The following OSBPL3 variants were observed in gnomAD, a reference collection of about 807,000 sequenced individuals.
OSBPL3 encodes oxysterol binding protein like 3.
Under a neutral mutation model 120.1 loss-of-function variants are expected in OSBPL3, and 65 were observed. The ratio of observed to expected loss-of-function variants is 0.54; its 90% confidence interval spans 0.44 to 0.67. OSBPL3 has a LOEUF of 0.67. Ranked by LOEUF, OSBPL3 falls within the 30% of genes least tolerant of loss-of-function variation. The pLI, the probability that OSBPL3 is intolerant of heterozygous loss-of-function variation, is 0.00. For missense variants in OSBPL3, 1,004 were observed against 1,082.1 expected (o/e 0.93, Z 1.01); for synonymous variants, 416 against 402.6 (o/e 1.03, Z -0.40).
rs369697603 is a variant in OSBPL3 at position 24,864,962 on chromosome 7, C to T, written c.673+380G>A. Among the ~76,000 whole-genome samples, 34 of 152,298 alleles carry T rather than the reference C, an allele frequency of 2.2e-4. 3 individuals are homozygous for T. Among genetic ancestry groups the T allele is most frequent in the Admixed American group, 1.2e-3 (19 of 15,302 alleles). On this transcript the variant is annotated intron_variant, in intron 7 of 22. Transcript: ENST00000313367. ...GTGATTCTAATGTGCAGTCAGGGTA[C>T]AGAACACCTACATCGTGAAGATCTC...
chr7:24,887,835 A>G (rs903593398), intron 2 of OSBPL3, among the ~76,000 whole-genome samples: 3 of 152,172 alleles, frequency 2.0e-5, no homozygotes, highest in African/African-American at 7.2e-5. Context: ...TACTACCAAG[A>G]GATAGATGCT....
chr7:24,914,663 G>T (rs1050467952), intron 1 of OSBPL3, among the ~76,000 whole-genome samples: 1 of 152,042 alleles, frequency 6.6e-6, no homozygotes, highest in Non-Finnish European at 1.5e-5. Flanking sequence ...AAAGTAAGAT[G>T]GCCAAAACTT....
chr7:24,904,918 G>GGTGTGT (rs67222925), intron 1 of OSBPL3, among the ~76,000 whole-genome samples: 9,570 of 132,836 alleles, frequency 0.072, 421 homozygotes, highest in African/African-American at 0.1. Flanking sequence ...ATAATATACA[G>GGTGTGT]GTGTGTGTGT....
At chr7:24,910,648 A>C (rs1254761015) in intron 1 of OSBPL3, among the ~76,000 whole-genome samples, 6 of 152,252 alleles carry the variant, frequency 3.9e-5, no homozygotes, top group Non-Finnish European at 8.8e-5. Flanking sequence ...TCAAGGAGAT[A>C]AGATGTCACA....
chr7:24,843,158 G>A (rs1196819774), intron 12 of OSBPL3, among the ~76,000 whole-genome samples: 1 of 152,128 alleles, frequency 6.6e-6, no homozygotes, highest in Non-Finnish European at 1.5e-5. Flanking sequence ...GCCATGGCAG[G>A]ATATAACAAT....
At chr7:24,847,412 C>G (rs915275726) in intron 12 of OSBPL3, among the ~76,000 whole-genome samples, 6 of 152,174 alleles carry the variant, frequency 3.9e-5, no homozygotes, top group African/African-American at 1.4e-4. Context: ...TGATTCAAGA[C>G]TCAAGAAGGC....
At chr7:24,825,914 G>A (rs1182670846) in intron 16 of OSBPL3, among the ~76,000 whole-genome samples, 2 of 152,204 alleles carry the variant, frequency 1.3e-5, no homozygotes, top group African/African-American at 2.4e-5. Context: ...GGGTATGCAG[G>A]TGGGTGGGTA....
In OSBPL3 at chr7:24,913,260, A is replaced by G; in HGVS notation, c.-149-20639T>C. Among the ~76,000 whole-genome samples the G allele has an allele frequency of 6.6e-6, 1 of 152,194 alleles. No homozygotes were observed. The highest frequency in any genetic ancestry group is 1.5e-5 in the Non-Finnish European group (1 of 68,030). ...ACCAAGTTTTGGGGTTGTTTGTGAC[A>G]CTGCATTAGATCGCTGAAACCCCAG... On this transcript the variant is annotated intron_variant, in intron 1 of 22. Transcript: ENST00000313367. The surrounding 1 kb of genome is among the most constrained non-coding windows in gnomAD (Gnocchi z 5.3).
chr7:24,804,185 C>T lies in OSBPL3; in HGVS notation c.2567+130G>A. 2.8e-6 allele frequency: 3 copies of T among 1,055,798 alleles called. No individual in the cohort carries two copies. Among genetic ancestry groups the T allele is most frequent in the East Asian group, 2.4e-5 (1 of 42,102 alleles). The allele number at this position is 1,055,798 out of a possible 1,614,324, so 65.4% of individuals were successfully genotyped here. ...GGCCTGGCACAGAGGAGCAGTACCC[C>T]CACGTGGAAGCAGGAAAAGCCTGGA... On this transcript the variant is annotated intron_variant, in intron 22 of 22. Transcript: ENST00000313367. The surrounding 1 kb of genome is among the most constrained non-coding windows in gnomAD (Gnocchi z 5.4).
intron 2 of OSBPL3, among the ~76,000 whole-genome samples, chr7:24,885,239 A>G (rs1409532674): frequency 8.6e-5 from 13 of 151,166 alleles, no homozygotes; most frequent in Non-Finnish European, 1.6e-4. Context: ...AAAAAAAAAA[A>G]AAAGAAAGAA....
In OSBPL3 at chr7:24,952,962, A is replaced by G. The variant is rs1814614833; in HGVS notation, c.-150+26924T>C. 6.6e-6 allele frequency among the ~76,000 whole-genome samples: 1 copy of G among 151,898 alleles called. No homozygotes were observed. Among genetic ancestry groups the G allele is most frequent in the African/African-American group, 2.4e-5 (1 of 41,328 alleles). ...ACCAGCCTGGGCAACACAGCAAGAC[A>G]CTGTCTCTACAAAAAAATCTAAAAA... On this transcript the variant is annotated intron_variant, in intron 1 of 22. Coordinates refer to ENST00000313367, the MANE Select transcript of OSBPL3 (RefSeq NM_015550.4). The surrounding 1 kb of genome is among the most constrained non-coding windows in gnomAD (Gnocchi z 4.4).
At chr7:24,816,950 C>T (rs1794548865) in intron 17 of OSBPL3, among the ~76,000 whole-genome samples, 2 of 152,108 alleles carry the variant, frequency 1.3e-5, no homozygotes, top group South Asian at 4.2e-4. Context: ...CACAGAGAGG[C>T]CCAGGCTATA....
In OSBPL3 at chr7:24,830,740, C is replaced by A. The variant is rs527903078; in HGVS notation, c.1884+28G>T. 6 of 1,584,142 alleles carry A rather than the reference C, an allele frequency of 3.8e-6. No homozygotes were observed. The East Asian group carries it at 1.4e-4, about 36-fold the overall frequency. ...AATGGGAGACATAAGCAACCCCTCC[C>A]AACAAGCAAAAAATGGTGTACATCT... On this transcript the variant is annotated intron_variant, in intron 16 of 22. Transcript: ENST00000313367. The surrounding 1 kb of genome is among the most constrained non-coding windows in gnomAD (Gnocchi z 4.4).
intron 10 of OSBPL3, among the ~76,000 whole-genome samples, chr7:24,861,362 C>T (rs1230468693): frequency 6.6e-6 from 1 of 152,184 alleles, no homozygotes; most frequent in Non-Finnish European, 1.5e-5. Flanking sequence ...TACACTCCCA[C>T]CAACATCACA....
chr7:24,876,698 A>G (rs1472216450), intron 2 of OSBPL3, among the ~76,000 whole-genome samples: 1 of 152,226 alleles, frequency 6.6e-6, no homozygotes, highest in Admixed American at 6.5e-5. Flanking sequence ...TTTAAAACAC[A>G]AAAGAATAGT....
At chr7:24,980,508 T>C (rs1818214823), upstream of OSBPL3, among the ~76,000 whole-genome samples, 1 of 151,350 alleles carries the variant, frequency 6.6e-6, no homozygotes, top group Non-Finnish European at 1.5e-5. Flanking sequence ...GTTCGGTAAA[T>C]GTTCCTCTAG....
chr7:24,907,995 G>T (rs1424093337), intron 1 of OSBPL3, among the ~76,000 whole-genome samples: 1 of 152,148 alleles, frequency 6.6e-6, no homozygotes, highest in African/African-American at 2.4e-5. Context: ...CTGTTCACTG[G>T]AATCATTTGG....
At position 24,817,065 on chromosome 7, in the gene OSBPL3, G is replaced by A. The variant is rs530192674; in HGVS notation, c.1949-377C>T. Among the ~76,000 whole-genome samples the A allele has an allele frequency of 6.6e-6, 1 of 152,336 alleles. No individual in the cohort carries two copies. The highest frequency in any genetic ancestry group is 1.9e-4 in the East Asian group (1 of 5,188). ...TGTCAGAAAGGGCCATCTAAATGGG[G>A]CTTTGAGGAATAAGCAGGAGTTCAC... On this transcript the variant is annotated intron_variant, in intron 17 of 22. Transcript: ENST00000313367. This position sits in a 1 kb window ranked among gnomAD's most constrained non-coding sequence, Gnocchi z 4.0.
rs1806806055 is a variant in OSBPL3, at chr7:24,900,336, T to C, written c.-149-7715A>G. Among the ~76,000 whole-genome samples, 1 of 152,214 alleles carries C rather than the reference T, an allele frequency of 6.6e-6. No homozygotes were observed. Among genetic ancestry groups the C allele is most frequent in the African/African-American group, 2.4e-5 (1 of 41,456 alleles). On this transcript the variant is annotated intron_variant, in intron 1 of 22. Coordinates refer to ENST00000313367, the MANE Select transcript of OSBPL3 (RefSeq NM_015550.4). This position sits in a 1 kb window ranked among gnomAD's most constrained non-coding sequence, Gnocchi z 4.5. ...TGTTGTTTTATTTAACTTTGTTATTTAGAAGTTTGGTGATGTTTTTGTGAC... is the reference window on the plus strand; with the variant it reads ...TGTTGTTTTATTTAACTTTGTTATTCAGAAGTTTGGTGATGTTTTTGTGAC...
Sources: gnomAD v4.1 joint callset for allele counts (sites outside exome capture counted in the v4.1 genomes callset) on GRCh38, gnomAD v4.1.1 for gene constraint, Gnocchi (gnomAD v3.1) non-coding constraint, MANE v1.5 for transcripts, NCBI Gene and HGNC (gene_info 2026-07-23, HGNC 2026-07-21) for gene names.